RBMS2: variants seen among roughly 807,000 people sequenced by gnomAD.
The protein encoded by RBMS2 is RNA binding motif single stranded interacting protein 2, also known as RNA-binding motif, single-stranded-interacting protein 2.
RBMS2 carries 38 observed loss-of-function variants against 58.4 expected under a neutral mutation model. The observed-to-expected ratio is 0.65, with a 90% CI of 0.50 to 0.85. The LOEUF is 0.85. Among genes scored for constraint, RBMS2 ranks in the 40% least tolerant of loss-of-function variants. The pLI, the probability that RBMS2 is intolerant of heterozygous loss-of-function variation, is 0.00. For synonymous variants in RBMS2, 151 were observed against 180.7 expected (o/e 0.84, Z 1.32); for missense variants, 367 against 503.7 (o/e 0.73, Z 2.60).
chr12:56,555,440 C>CAA lies in RBMS2; in HGVS notation c.67-6962_67-6961dup, dbSNP rs771583124. On this transcript the variant is annotated intron_variant, in intron 1 of 13. Coordinates refer to ENST00000262031, the MANE Select transcript of RBMS2 (RefSeq NM_002898.4). ...GGGCAACAAGAGCAAAACTTGGTCT[C>CAA]AAAAAAAAAAAAAAAAGGAAGAAGA... Among the ~76,000 whole-genome samples, 191 of 87,110 alleles carry CAA rather than the reference C, an allele frequency of 2.2e-3. 1 individual carries two copies. The highest frequency in any genetic ancestry group is 6.6e-3 in the African/African-American group (176 of 26,674). The allele number at this position is 87,110 out of a possible 152,430, so 57.1% of individuals were successfully genotyped here. A position where few individuals can be genotyped will look rare whatever the true frequency, so the allele number is the denominator to read the frequency against.
chr12:56,577,074 A>G (rs917603086), intron 5 of RBMS2, among the ~76,000 whole-genome samples: 1 of 149,314 alleles, frequency 6.7e-6, no homozygotes, highest in African/African-American at 2.5e-5. Context: ...TACAATGATG[A>G]GCTCACAATT....
chr12:56,552,155 C>T (rs952073933), intron 1 of RBMS2, among the ~76,000 whole-genome samples: 1 of 152,142 alleles, frequency 6.6e-6, no homozygotes, highest in Non-Finnish European at 1.5e-5. Flanking sequence ...GCCTTAGAAA[C>T]GTAGGCATGT....
At chr12:56,524,911 G>A (rs1456033483) in intron 1 of RBMS2, among the ~76,000 whole-genome samples, 2 of 151,884 alleles carry the variant, frequency 1.3e-5, no homozygotes, top group African/African-American at 2.4e-5. Context: ...TAGTAGAGAC[G>A]GGGTTTCATC....
chr12:56,564,770 T>TG (rs1179416578), intron 2 of RBMS2, among the ~76,000 whole-genome samples: 1 of 152,160 alleles, frequency 6.6e-6, no homozygotes, highest in Non-Finnish European at 1.5e-5. Context: ...GGTCAGGAGT[T>TG]GGAGACCAGC....
intron 4 of RBMS2, among the ~76,000 whole-genome samples, chr12:56,570,620 C>A (rs994960505): frequency 6.6e-6 from 1 of 152,138 alleles, no homozygotes; most frequent in African/African-American, 2.4e-5. Context: ...CTCTGTCGCC[C>A]CGGCTGGAGT....
intron 11 of RBMS2, 118 bp from the exon 12 acceptor site, chr12:56,588,176 A>G: frequency 1.2e-6 from 1 of 821,864 alleles, no homozygotes; most frequent in Non-Finnish European, 2.0e-6. Context: ...GCTCAGACCA[A>G]TTAAAATAGA....
At position 56,581,891 on chromosome 12, in the gene RBMS2, T is replaced by C. The variant is rs756986442; in HGVS notation, c.779+12T>C. On this transcript the variant is annotated intron_variant, in intron 8 of 13. Coordinates refer to ENST00000262031, the MANE Select transcript of RBMS2 (RefSeq NM_002898.4). Reference sequence around the variant, plus strand: ...GCTCTTCAGAATGGGTAAGGTTTTATATAATCAAGCCACCTGAAAATGATA... The same window carrying C: ...GCTCTTCAGAATGGGTAAGGTTTTACATAATCAAGCCACCTGAAAATGATA... 6.2e-7 allele frequency: 1 copy of C among 1,613,654 alleles called. No individual in the cohort carries two copies. Among genetic ancestry groups the C allele is most frequent in the South Asian group, 1.1e-5 (1 of 91,078 alleles).
Position 56,594,364 on chromosome 12 carries a change from G to C in RBMS2, c.*5231G>C, listed in dbSNP as rs1000897242. 6.6e-6 allele frequency: 1 copy of C among 152,252 alleles called. No individual in the cohort carries two copies. The highest frequency in any genetic ancestry group is 1.5e-5 in the Non-Finnish European group (1 of 68,050). The allele number at this position is 152,252 out of a possible 1,614,324, so 9.4% of individuals were successfully genotyped here. On this transcript the variant is annotated 3_prime_UTR_variant, in exon 14 of 14. Coordinates refer to ENST00000262031, the MANE Select transcript of RBMS2 (RefSeq NM_002898.4). ...TAGCCAAGGGCAATAAACTGGGTGG[G>C]TGATCTGGCCCAAACTTGCCCCTAG...
At chr12:56,553,558 C>T (rs1017376565) in intron 1 of RBMS2, among the ~76,000 whole-genome samples, 5 of 151,846 alleles carry the variant, frequency 3.3e-5, no homozygotes, top group African/African-American at 1.2e-4. Flanking sequence ...AAACTCTTGA[C>T]CTCAGGTGAT....
chr12:56,567,929 G>A (rs1037355802), intron 2 of RBMS2, among the ~76,000 whole-genome samples: 2 of 152,058 alleles, frequency 1.3e-5, no homozygotes, highest in African/African-American at 4.8e-5. Context: ...CTTAGAGTAA[G>A]GCAAAGAGAT....
intron 1 of RBMS2, 104 bp from the exon 2 acceptor site, chr12:56,562,313 T>C: frequency 9.0e-7 from 1 of 1,108,048 alleles, no homozygotes; most frequent in South Asian, 1.5e-5. Context: ...ACATTTGTGA[T>C]TATATATAGT....
chr12:56,586,750 G>T, intron 9 of RBMS2, 99 bp from the exon 10 acceptor site: 1 of 895,572 alleles, frequency 1.1e-6, no homozygotes, highest in Non-Finnish European at 1.8e-6. Flanking sequence ...ATTTTGAGTG[G>T]GGCATTCAAA....
At chr12:56,539,525 A>T (rs980780332) in intron 1 of RBMS2, among the ~76,000 whole-genome samples, 3 of 152,132 alleles carry the variant, frequency 2.0e-5, no homozygotes, top group African/African-American at 7.2e-5. Flanking sequence ...TGATTTTATA[A>T]GTATTATTTC....
rs527892566 is a variant in RBMS2 at position 56,521,901 on chromosome 12, C to CT, written c.-117dup. On this transcript the variant is annotated 5_prime_UTR_variant, in exon 1 of 14. Coordinates refer to ENST00000262031, the MANE Select transcript of RBMS2 (RefSeq NM_002898.4). Reference sequence around the variant, plus strand: ...TTCTCCTCCTTTCTCCTCCCCCTCCCTTTTTTCCTCCCTCCCTCTCCCCCT... The same window carrying CT: ...TTCTCCTCCTTTCTCCTCCCCCTCCCTTTTTTTCCTCCCTCCCTCTCCCCCT... 2.5e-4 allele frequency: 71 copies of CT among 285,668 alleles called. 2 individuals are homozygous for CT. The highest frequency in any genetic ancestry group is 1.7e-3 in the African/African-American group (69 of 40,616). The allele number at this position is 285,668 out of a possible 1,614,324, so 17.7% of individuals were successfully genotyped here.
chr12:56,583,593 G>A (rs1350537532), intron 9 of RBMS2, among the ~76,000 whole-genome samples: 1 of 151,986 alleles, frequency 6.6e-6, no homozygotes. Flanking sequence ...GGCAGAGGTT[G>A]TGGTGAGCCG....
intron 5 of RBMS2, among the ~76,000 whole-genome samples, chr12:56,577,369 C>T (rs1409346019): frequency 6.6e-6 from 1 of 151,752 alleles, no homozygotes; most frequent in African/African-American, 2.4e-5. Context: ...CGAGATCACA[C>T]CACTGCACTC....
chr12:56,522,263 G>A (rs973656823), intron 1 of RBMS2, among the ~76,000 whole-genome samples, 174 bp downstream of exon 1: 4 of 152,052 alleles, frequency 2.6e-5, no homozygotes, highest in East Asian at 1.9e-4. Flanking sequence ...TTCCTCAACT[G>A]GTTCTGGAGT....
At chr12:56,529,099 G>A (rs1873212804) in intron 1 of RBMS2, among the ~76,000 whole-genome samples, 1 of 151,998 alleles carries the variant, frequency 6.6e-6, no homozygotes, top group Non-Finnish European at 1.5e-5. Flanking sequence ...CAAGAGAAAT[G>A]GAAACATATG....
chr12:56,563,380 C>T (rs1446079794), intron 2 of RBMS2, among the ~76,000 whole-genome samples: 1 of 152,148 alleles, frequency 6.6e-6, no homozygotes, highest in Non-Finnish European at 1.5e-5. Flanking sequence ...GAAAGTGGGA[C>T]TCGCCAATCA....
Sources: allele counts gnomAD v4.1 joint callset (sites outside exome capture counted in the v4.1 genomes callset), GRCh38; gene constraint gnomAD v4.1.1; transcripts MANE v1.5; gene names NCBI Gene and HGNC (gene_info 2026-07-23, HGNC 2026-07-21).